The following CPXM2 variants were observed in gnomAD, a reference collection of about 807,000 sequenced individuals.
The protein encoded by CPXM2 is inactive carboxypeptidase-like protein X2.
CPXM2 carries 66 observed loss-of-function variants against 86.1 expected under a neutral mutation model. The ratio of observed to expected loss-of-function variants is 0.77; its 90% confidence interval spans 0.63 to 0.94. The LOEUF is 0.94. Ranked by LOEUF, CPXM2 falls within the 40% of genes least tolerant of loss-of-function variation. The pLI is 0.00. For missense variants in CPXM2, 948 were observed against 1,026.3 expected (o/e 0.92, Z 1.04); for synonymous variants, 388 against 400.2 (o/e 0.97, Z 0.36).
chr10:123,818,898 G>GGTGGAA (rs1327166494), intron 4 of CPXM2, among the ~76,000 whole-genome samples: 1 of 152,082 alleles, frequency 6.6e-6, no homozygotes, highest in African/African-American at 2.4e-5. Flanking sequence ...GGAATCAAGG[G>GGTGGAA]GTGGAAGTGG....
At chr10:123,883,856 A>G (rs1009352420) in intron 1 of CPXM2, among the ~76,000 whole-genome samples, 3 of 152,202 alleles carry the variant, frequency 2.0e-5, no homozygotes, top group African/African-American at 7.2e-5. Flanking sequence ...CATATGGTCC[A>G]TGCAGATGAA....
At chr10:123,782,150 T>C (rs937004317) in intron 6 of CPXM2, among the ~76,000 whole-genome samples, 15 of 152,262 alleles carry the variant, frequency 9.9e-5, no homozygotes, top group African/African-American at 3.6e-4. Flanking sequence ...CTCAAGCCCT[T>C]TCCTTTTAGG....
At chr10:123,836,216 C>T (rs990432129) in intron 4 of CPXM2, among the ~76,000 whole-genome samples, 2 of 152,138 alleles carry the variant, frequency 1.3e-5, no homozygotes, top group African/African-American at 4.8e-5. Flanking sequence ...TTGGCTCCAT[C>T]TCAGCCCCTT....
chr10:123,874,218 A>C (rs1169076185), intron 2 of CPXM2, among the ~76,000 whole-genome samples: 1 of 152,076 alleles, frequency 6.6e-6, no homozygotes, highest in Non-Finnish European at 1.5e-5. Flanking sequence ...CAACAGATTC[A>C]GTGTCTGATG....
upstream of CPXM2, among the ~76,000 whole-genome samples, chr10:123,941,406 G>A (rs989595470): frequency 2.6e-5 from 4 of 152,196 alleles, no homozygotes; most frequent in East Asian, 7.8e-4. Context: ...CGTGGCCTCC[G>A]CCTCCTGTGT....
intron 3 of CPXM2, among the ~76,000 whole-genome samples, chr10:123,848,653 T>C (rs1053579895): frequency 6.6e-6 from 1 of 152,228 alleles, no homozygotes; most frequent in African/African-American, 2.4e-5. Context: ...GCCATTAACA[T>C]TGTATATCTA....
At chr10:123,901,671 A>G (rs1368528417) in intron 2 of CPXM2, among the ~76,000 whole-genome samples, 2 of 152,186 alleles carry the variant, frequency 1.3e-5, no homozygotes, top group Non-Finnish European at 2.9e-5. Context: ...AATTTAAAAT[A>G]CAGTCAAGTG....
chr10:123,878,419 T>G (rs201085589), intron 2 of CPXM2, among the ~76,000 whole-genome samples: 5,962 of 146,126 alleles, frequency 0.041, 163 homozygotes, highest in East Asian at 0.12. Context: ...CCCAACCTAA[T>G]AGCTTTGAAG....
chr10:123,768,733 A>C lies in CPXM2; in HGVS notation c.1103-11T>G. The C allele has an allele frequency of 6.2e-7, 1 of 1,605,186 alleles. No homozygotes were observed. The highest frequency in any genetic ancestry group is 8.5e-7 in the Non-Finnish European group (1 of 1,179,260). ...GGAACTCGGGCTCACCTTTACTCAA[A>C]GACAGAGAGAAGCACAGGTTCACGT... On this transcript the variant is annotated splice_polypyrimidine_tract_variant and intron_variant, in intron 8 of 13. Transcript: ENST00000241305.
At position 123,905,447 on chromosome 10, in the gene CPXM2, T is replaced by C. The variant is rs796208345; in HGVS notation, n.175-25138A>G. On this transcript the variant is annotated intron_variant and non_coding_transcript_variant, in intron 2 of 19. Coordinates refer to the CPXM2 transcript ENST00000368854. The stretch of plus-strand genomic sequence containing the variant: ...TGCCTGAGGCTTTCAAGGCCTCAGC[T>C]GTCCCATCTGCCAATCCGGGCATTG... Among the ~76,000 whole-genome samples the C allele has an allele frequency of 6.6e-5, 10 of 152,300 alleles. 1 individual carries two copies. The highest frequency in any genetic ancestry group is 2.4e-4 in the African/African-American group (10 of 41,566).
chr10:123,851,112 C>G (rs901548699), intron 3 of CPXM2, among the ~76,000 whole-genome samples: 1 of 152,156 alleles, frequency 6.6e-6, no homozygotes. Context: ...AGCTCTTTTT[C>G]TCATGGCCAT....
Position 123,769,082 on chromosome 10 carries a change from A to C in CPXM2, c.1103-360T>G, listed in dbSNP as rs559846591. 2.6e-5 allele frequency among the ~76,000 whole-genome samples: 4 copies of C among 152,352 alleles called. No homozygotes were observed. In the East Asian group the frequency reaches 7.7e-4, roughly 29 times the overall value. ...CTTTTGGGAGGCAATTATTTTTCTT[A>C]AAATAACTTCCTATTAAGTTTAACA... On this transcript the variant is annotated intron_variant, in intron 8 of 13. Coordinates refer to ENST00000241305, the MANE Select transcript of CPXM2 (RefSeq NM_198148.3).
chr10:123,919,084 G>A (rs1945560090), intron 2 of CPXM2, among the ~76,000 whole-genome samples: 1 of 139,022 alleles, frequency 7.2e-6, no homozygotes, highest in African/African-American at 2.5e-5. Flanking sequence ...GTGCACGTAT[G>A]GAACTGACAT....
At chr10:123,821,938 G>C (rs1277613253) in intron 4 of CPXM2, among the ~76,000 whole-genome samples, 1 of 152,168 alleles carries the variant, frequency 6.6e-6, no homozygotes, top group Non-Finnish European at 1.5e-5. Context: ...TTATGAGTGA[G>C]GAAACTAGAG....
intron 3 of CPXM2, among the ~76,000 whole-genome samples, chr10:123,844,886 C>G (rs896624768): frequency 6.6e-6 from 1 of 151,706 alleles, no homozygotes; most frequent in Non-Finnish European, 1.5e-5. Context: ...ACTCAACAGG[C>G]AATTGCTTCA....
rs749426340 is a variant in CPXM2 at position 123,880,315 on chromosome 10, G to T, written c.305-6C>A. The T allele has an allele frequency of 7.6e-7, 1 of 1,311,784 alleles. No individual in the cohort carries two copies. Among genetic ancestry groups the T allele is most frequent in the East Asian group, 2.3e-5 (1 of 43,438 alleles). 81.3% of individuals were successfully genotyped at this position (1,311,784 alleles called of 1,614,324 possible). On this transcript the variant is annotated splice_polypyrimidine_tract_variant and splice_region_variant and intron_variant, in intron 1 of 13. Coordinates refer to ENST00000241305, the MANE Select transcript of CPXM2 (RefSeq NM_198148.3). ...TTTTTTGTTGCTGTGTTTACCTAAA[G>T]GGGGAGAGAGAGATGCCTTTACTTT...
chr10:123,790,091 C>T (rs1001468064), intron 6 of CPXM2, among the ~76,000 whole-genome samples: 1 of 152,088 alleles, frequency 6.6e-6, no homozygotes, highest in Non-Finnish European at 1.5e-5. Context: ...GCACTCCAAC[C>T]TGGGTGGACA....
At chr10:123,897,382 A>G (rs1945346696) in intron 2 of CPXM2, among the ~76,000 whole-genome samples, 1 of 152,164 alleles carries the variant, frequency 6.6e-6, no homozygotes, top group African/African-American at 2.4e-5. Flanking sequence ...TGAGGAATCT[A>G]GAAGTGGCTA....
intron 6 of CPXM2, among the ~76,000 whole-genome samples, chr10:123,782,733 T>C (rs1277487614): frequency 6.6e-6 from 1 of 152,190 alleles, no homozygotes; most frequent in Non-Finnish European, 1.5e-5. Context: ...CCCTTCCTCC[T>C]GTCAGAGTTG....
Sources: allele counts gnomAD v4.1 joint callset (sites outside exome capture counted in the v4.1 genomes callset), GRCh38; gene constraint gnomAD v4.1.1; transcripts MANE v1.5; gene names NCBI Gene and HGNC (gene_info 2026-07-23, HGNC 2026-07-21).